The following DGKB variants were observed in gnomAD, a reference collection of about 807,000 sequenced individuals.
DGKB encodes diacylglycerol kinase beta.
Under a neutral mutation model 114.3 loss-of-function variants are expected in DGKB, and 67 were observed. The observed-to-expected ratio is 0.59, with a 90% CI of 0.48 to 0.72. DGKB has a LOEUF of 0.72. DGKB is among the 30% of genes least tolerant of loss of function. The pLI is 0.00. For missense variants in DGKB, 907 were observed against 975.2 expected (o/e 0.93, Z 0.93); for synonymous variants, 398 against 323.1 (o/e 1.23, Z -2.49).
intron 18 of DGKB, 25 bp from the exon 19 acceptor site, chr7:14,580,976 T>C: frequency 6.6e-7 from 1 of 1,522,764 alleles, no homozygotes; most frequent in Non-Finnish European, 8.9e-7. Context: ...AAAATACAAA[T>C]AAAGAAAATT....
chr7:14,717,906 CAG>C (rs1471413742), intron 6 of DGKB, among the ~76,000 whole-genome samples: 1 of 152,024 alleles, frequency 6.6e-6, no homozygotes, highest in African/African-American at 2.4e-5. Flanking sequence ...AGTTAGCCAC[CAG>C]AGAGAGCTCA....
chr7:14,608,424 C>G (rs1007181119), intron 16 of DGKB, among the ~76,000 whole-genome samples: 53 of 151,856 alleles, frequency 3.5e-4, no homozygotes, highest in African/African-American at 1.3e-3. Flanking sequence ...GACTAGACAT[C>G]AAAGGAACAT....
At chr7:14,882,806 T>C (rs1285266214) in intron 1 of DGKB, among the ~76,000 whole-genome samples, 1 of 152,044 alleles carries the variant, frequency 6.6e-6, no homozygotes, top group South Asian at 2.1e-4. Context: ...CTACATTGTG[T>C]ATATATGCCA....
At chr7:14,648,289 T>C (rs1813578849) in intron 13 of DGKB, among the ~76,000 whole-genome samples, 1 of 152,154 alleles carries the variant, frequency 6.6e-6, no homozygotes. Flanking sequence ...AGCATGCAGC[T>C]GGAGATCTGA....
At chr7:14,358,616 C>CA (rs1313765823) in intron 21 of DGKB, among the ~76,000 whole-genome samples, 1 of 152,098 alleles carries the variant, frequency 6.6e-6, no homozygotes, top group Non-Finnish European at 1.5e-5. Context: ...TCTCATGATA[C>CA]AAAATCAATG....
In DGKB at chr7:14,345,313, A is replaced by G. The variant is rs1451187643; in HGVS notation, c.1914T>C (p.Ser638=). Reference sequence around the variant, plus strand: ...ATTTTTTTCTTACTTCTATTTCTACAGATTCATGTAGCTTCTTGCAGGTGG... The same window carrying G: ...ATTTTTTTCTTACTTCTATTTCTACGGATTCATGTAGCTTCTTGCAGGTGG... ...FSATCKKLHE[S]VEIECDGVQI... Residue 638 remains serine, a synonymous_variant, in exon 22 of 26, where the codon TCT becomes TCC. Transcript: ENST00000402815. 3.3e-6 allele frequency: 5 copies of G among 1,535,404 alleles called. No individual in the cohort carries two copies. The Admixed American group carries it at 6.0e-5, about 18-fold the overall frequency.
Position 14,739,271 on chromosome 7 carries a change from T to G in DGKB, c.169-3077A>C, listed in dbSNP as rs75887801. ...CAGGAGGCCTGTCTAAACACGCCCA[T>G]GGTGAAAAATTCTGTCCCATAACAC... On this transcript the variant is annotated intron_variant, in intron 4 of 25. Transcript: ENST00000402815. 7.5e-3 allele frequency among the ~76,000 whole-genome samples: 1,145 copies of G among 152,224 alleles called. 13 individuals carry two copies. The highest frequency in any genetic ancestry group is 0.026 in the African/African-American group (1,079 of 41,538).
intron 23 of DGKB, among the ~76,000 whole-genome samples, chr7:14,299,111 C>T (rs1260911894): frequency 6.6e-6 from 1 of 152,026 alleles, no homozygotes; most frequent in African/African-American, 2.4e-5. Context: ...TAAATTTGTT[C>T]CAATACTTTA....
intron 21 of DGKB, among the ~76,000 whole-genome samples, chr7:14,384,454 C>T (rs904867927): frequency 6.6e-6 from 1 of 151,994 alleles, no homozygotes; most frequent in Non-Finnish European, 1.5e-5. Context: ...TATTAGATAC[C>T]CCCACCACTA....
At chr7:14,951,494 G>T (rs1387250297) in intron 1 of DGKB, among the ~76,000 whole-genome samples, 2 of 152,120 alleles carry the variant, frequency 1.3e-5, no homozygotes, top group East Asian at 3.9e-4. Flanking sequence ...CAGAGGTTTG[G>T]GGATAAGATG....
chr7:14,883,541 G>A (rs533880710), intron 1 of DGKB, among the ~76,000 whole-genome samples: 3 of 151,964 alleles, frequency 2.0e-5, no homozygotes, highest in Non-Finnish European at 2.9e-5. Context: ...TAGAGATAGA[G>A]ATATAGAGAT....
chr7:14,279,431 G>T (rs1461997701), intron 23 of DGKB, among the ~76,000 whole-genome samples: 2 of 152,178 alleles, frequency 1.3e-5, no homozygotes, highest in Non-Finnish European at 2.9e-5. Flanking sequence ...TGGGGGCAGG[G>T]CACAGACAAA....
At chr7:14,464,713 A>G in intron 21 of DGKB, among the ~76,000 whole-genome samples, 1 of 152,210 alleles carries the variant, frequency 6.6e-6, no homozygotes, top group Non-Finnish European at 1.5e-5. Flanking sequence ...GAAGATGAGG[A>G]TCATAGAAAT....
intron 20 of DGKB, among the ~76,000 whole-genome samples, chr7:14,570,548 A>AT: frequency 6.6e-6 from 1 of 152,204 alleles, no homozygotes; most frequent in South Asian, 2.1e-4. Flanking sequence ...ATTAATATAT[A>AT]TTTTGTATGT....
At position 14,574,213 on chromosome 7, in the gene DGKB, A is replaced by G; in HGVS notation, c.1769T>C (p.Val590Ala). The change falls in exon 20 of 26, where the codon GTG becomes GCG. Residue 590 changes from valine (V) to alanine (A), a missense_variant and splice_region_variant. By Grantham distance (64) the Val-to-Ala change is moderately conservative. Coordinates refer to ENST00000402815, the MANE Select transcript of DGKB (RefSeq NM_001350709.2). The stretch of plus-strand genomic sequence containing the variant: ...GTAAAATTTAGTGGAGAATCTTACC[A>G]CGCCAATGGAAAAGTAATTATTGAT... ...SIINNYFSIG[V>A]DASIAHRFHI... The G allele has an allele frequency of 6.2e-7, 1 of 1,612,068 alleles. No homozygotes were observed. Among genetic ancestry groups the G allele is most frequent in the Non-Finnish European group, 8.5e-7 (1 of 1,179,088 alleles).
chr7:14,529,175 T>C (rs901543827), intron 20 of DGKB, among the ~76,000 whole-genome samples: 1 of 151,986 alleles, frequency 6.6e-6, no homozygotes, highest in Admixed American at 6.6e-5. Context: ...TACTTTAAAT[T>C]AGAAAAGGAG....
intron 23 of DGKB, among the ~76,000 whole-genome samples, chr7:14,213,789 T>G (rs1298207871): frequency 6.6e-6 from 1 of 152,176 alleles, no homozygotes; most frequent in Admixed American, 6.6e-5. Flanking sequence ...AGAACTGTGG[T>G]GACGGTGATA....
intron 23 of DGKB, among the ~76,000 whole-genome samples, chr7:14,323,453 A>G (rs1808177677): frequency 6.6e-6 from 1 of 152,168 alleles, no homozygotes; most frequent in Non-Finnish European, 1.5e-5. Flanking sequence ...TTAAAAGGAT[A>G]ACACATAGAG....
chr7:14,178,642 G>T (rs891442265), intron 23 of DGKB, among the ~76,000 whole-genome samples: 4 of 152,144 alleles, frequency 2.6e-5, no homozygotes, highest in Non-Finnish European at 4.4e-5. Context: ...TACATTAGAA[G>T]ATGGGAGTCC....
Sources: gnomAD v4.1 joint callset for allele counts (sites outside exome capture counted in the v4.1 genomes callset) on GRCh38, gnomAD v4.1.1 for gene constraint, MANE v1.5 for transcripts, NCBI Gene and HGNC (gene_info 2026-07-23, HGNC 2026-07-21) for gene names.